CCSER1: variants seen among roughly 807,000 people sequenced by gnomAD.
CCSER1 encodes serine-rich coiled-coil domain-containing protein 1.
In CCSER1, 41 loss-of-function variants were observed where a neutral mutation model predicts 82.0. The observed-to-expected ratio is 0.50, with a 90% CI of 0.39 to 0.65. The LOEUF (loss-of-function observed/expected upper bound fraction) is 0.65. Among genes scored for constraint, CCSER1 ranks in the 30% least tolerant of loss-of-function variants. The pLI is 0.00. For missense variants in CCSER1, 1,119 were observed against 1,064.2 expected, an observed-to-expected ratio of 1.05 and a Z score of -0.72; for synonymous variants, 414 against 383.9, an observed-to-expected ratio of 1.08 and a Z score of -0.92.
chr4:90,454,409 A>C (rs1385224674), intron 4 of CCSER1, among the ~76,000 whole-genome samples: 4 of 152,054 alleles, frequency 2.6e-5, no homozygotes, highest in African/African-American at 7.2e-5. Context: ...CTTCAACTGA[A>C]TCAAGAGATA....
rs181288405 is a variant in CCSER1, at chr4:90,623,067, G to A, written c.1725-4958G>A. Among the ~76,000 whole-genome samples, 120 of 126,746 alleles carry A rather than the reference G, an allele frequency of 9.5e-4. 1 individual carries two copies. In the East Asian group the frequency reaches 0.018, roughly 19 times the overall value. 83.2% of individuals were successfully genotyped at this position (126,746 alleles called of 152,430 possible). On this transcript the variant is annotated intron_variant, in intron 5 of 10. Coordinates refer to ENST00000509176, the MANE Select transcript of CCSER1 (RefSeq NM_001145065.2). ...TTTTGAGACGGAGCCTCCCTCTTTC[G>A]CCCAGGCCAGAGTGCAGTGGCGCAA...
chr4:90,909,930 C>A (rs1726072276), intron 8 of CCSER1, among the ~76,000 whole-genome samples: 1 of 152,114 alleles, frequency 6.6e-6, no homozygotes, highest in Non-Finnish European at 1.5e-5. Context: ...TTCATTTTCA[C>A]ACTGCTATAA....
intron 6 of CCSER1, among the ~76,000 whole-genome samples, chr4:90,654,088 G>A (rs1469040352): frequency 6.6e-6 from 1 of 152,050 alleles, no homozygotes; most frequent in Non-Finnish European, 1.5e-5. Flanking sequence ...TTGCCCCCAT[G>A]ATCCAGTCAC....
chr4:91,009,969 G>C (rs953313752), intron 9 of CCSER1, among the ~76,000 whole-genome samples: 2 of 151,958 alleles, frequency 1.3e-5, no homozygotes, highest in African/African-American at 4.8e-5. Flanking sequence ...GAATTTGACT[G>C]TATATTTACC....
chr4:91,386,034 G>A (rs1560631100), intron 10 of CCSER1, among the ~76,000 whole-genome samples: 1 of 150,966 alleles, frequency 6.6e-6, no homozygotes, highest in African/African-American at 2.4e-5. Context: ...ATGCTTCTAG[G>A]CCCTCTTAGT....
intron 9 of CCSER1, among the ~76,000 whole-genome samples, chr4:91,062,518 T>C (rs1744048369): frequency 6.6e-6 from 1 of 152,042 alleles, no homozygotes; most frequent in Non-Finnish European, 1.5e-5. Context: ...TTAGTCCCTA[T>C]ACATTTTCCT....
intron 10 of CCSER1, among the ~76,000 whole-genome samples, chr4:91,216,352 C>T (rs111736724): frequency 6.6e-6 from 1 of 152,144 alleles, no homozygotes; most frequent in Admixed American, 6.5e-5. Flanking sequence ...CAGAGTCTCG[C>T]TCTGTCGCCC....
In CCSER1 at chr4:91,214,609, A is replaced by G. The variant is rs186794950; in HGVS notation, c.2217+128615A>G. On this transcript the variant is annotated intron_variant, in intron 10 of 10. Transcript: ENST00000509176. The stretch of plus-strand genomic sequence containing the variant: ...ACTCTATTTTTCTTGTTCATGTTGA[A>G]ACAACTCTGGTTAAAACAGAGCTTG... Among the ~76,000 whole-genome samples the G allele has an allele frequency of 6.4e-4, 97 of 152,284 alleles. 1 individual carries two copies. The highest frequency in any genetic ancestry group is 2.2e-3 in the African/African-American group (90 of 41,568).
At chr4:90,149,394 C>T (rs1017184074) in intron 1 of CCSER1, among the ~76,000 whole-genome samples, 1 of 151,934 alleles carries the variant, frequency 6.6e-6, no homozygotes, top group African/African-American at 2.4e-5. Flanking sequence ...TTTCATTGCC[C>T]TTTGAAGAAC....
intron 5 of CCSER1, among the ~76,000 whole-genome samples, chr4:90,587,408 G>T (rs766273499): frequency 6.6e-6 from 1 of 152,232 alleles, no homozygotes; most frequent in Admixed American, 6.5e-5. Flanking sequence ...TCAAGAGATC[G>T]AGTCCAATCA....
chr4:90,828,934 G>A (rs1021643870), intron 8 of CCSER1, among the ~76,000 whole-genome samples: 1 of 152,118 alleles, frequency 6.6e-6, no homozygotes. Flanking sequence ...AAGAAAGACT[G>A]TGAGTTTAGG....
intron 10 of CCSER1, among the ~76,000 whole-genome samples, chr4:91,451,232 C>A (rs1474898397): frequency 6.6e-6 from 1 of 151,946 alleles, no homozygotes; most frequent in East Asian, 1.9e-4. Flanking sequence ...ATCCCACCTC[C>A]TGATACCATT....
intron 10 of CCSER1, among the ~76,000 whole-genome samples, chr4:91,393,377 A>C (rs2149352078): frequency 6.6e-6 from 1 of 152,264 alleles, no homozygotes; most frequent in East Asian, 1.9e-4. Flanking sequence ...AATGTAAGTA[A>C]AAATTGAAAT....
intron 5 of CCSER1, among the ~76,000 whole-genome samples, chr4:90,494,367 G>T (rs529930597): frequency 5.8e-4 from 89 of 152,240 alleles, no homozygotes; most frequent in African/African-American, 2.0e-3. Flanking sequence ...GAGACAGAAA[G>T]TTAGCGAGGA....
chr4:91,514,040 G>A (rs895682978), intron 10 of CCSER1, among the ~76,000 whole-genome samples: 4 of 151,884 alleles, frequency 2.6e-5, no homozygotes, highest in South Asian at 2.1e-4. Context: ...TCCTCTATAC[G>A]TGTTGTTAGA....
intron 7 of CCSER1, chr4:90,781,605 A>G (rs763587018): frequency 1.4e-5 from 14 of 974,504 alleles, no homozygotes; most frequent in African/African-American, 1.8e-5. Context: ...ATTGAAAACA[A>G]TAAGGTGTTT....
rs80061270 is a variant in CCSER1, at chr4:91,576,779, T to A, written c.2218-21793T>A. Among the ~76,000 whole-genome samples the A allele has an allele frequency of 2.7e-3, 412 of 152,116 alleles. 1 individual carries two copies. The highest frequency in any genetic ancestry group is 9.5e-3 in the African/African-American group (393 of 41,552). On this transcript the variant is annotated intron_variant, in intron 10 of 10. Transcript: ENST00000509176. ...TGAGATCGGGGTGAAATTTTTCACTTGTAACACCACATCAGTGCTCAAAAA... is the reference window on the plus strand; with the variant it reads ...TGAGATCGGGGTGAAATTTTTCACTAGTAACACCACATCAGTGCTCAAAAA...
intron 1 of CCSER1, among the ~76,000 whole-genome samples, chr4:90,295,159 C>T (rs1298115935): frequency 1.3e-5 from 2 of 151,746 alleles, no homozygotes; most frequent in Non-Finnish European, 2.9e-5. Flanking sequence ...GCCTGAGTAT[C>T]CCTGTACATG....
intron 8 of CCSER1, among the ~76,000 whole-genome samples, chr4:90,910,739 T>G (rs961905210): frequency 1.3e-5 from 2 of 152,212 alleles, no homozygotes; most frequent in African/African-American, 4.8e-5. Context: ...TTTAGAGTCT[T>G]GACCCATTTT....
Sources: gnomAD v4.1 joint callset for allele counts (sites outside exome capture counted in the v4.1 genomes callset) on GRCh38, gnomAD v4.1.1 for gene constraint, MANE v1.5 for transcripts, NCBI Gene and HGNC (gene_info 2026-07-23, HGNC 2026-07-21) for gene names.